ERBB4: variants seen among roughly 807,000 people sequenced by gnomAD.
ERBB4 encodes receptor tyrosine-protein kinase erbB-4.
ERBB4 carries 42 observed loss-of-function variants against 158.0 expected under a neutral mutation model. The observed-to-expected ratio is 0.27, with a 90% CI of 0.21 to 0.34. ERBB4 has a LOEUF of 0.34. ERBB4 is among the 10% of genes least tolerant of loss of function. The pLI is 1.00. For missense variants in ERBB4, 1,333 were observed against 1,624.1 expected (o/e 0.82, Z 3.08); for synonymous variants, 583 against 558.7 (o/e 1.04, Z -0.61).
At chr2:212,461,244 G>T (rs1468879761) in intron 1 of ERBB4, among the ~76,000 whole-genome samples, 1 of 152,168 alleles carries the variant, frequency 6.6e-6, no homozygotes, top group Non-Finnish European at 1.5e-5. Flanking sequence ...CCATGTGCCT[G>T]GAAAAGTAGC....
intron 3 of ERBB4, among the ~76,000 whole-genome samples, chr2:211,915,893 A>G (rs1010823232): frequency 2.6e-5 from 4 of 151,954 alleles, no homozygotes; most frequent in Non-Finnish European, 5.9e-5. Context: ...TCCAGGATTT[A>G]TGCTAAGTAA....
At chr2:212,022,330 CAAGAT>C (rs1196022569) in intron 2 of ERBB4, among the ~76,000 whole-genome samples, 1 of 152,096 alleles carries the variant, frequency 6.6e-6, no homozygotes, top group Admixed American at 6.6e-5. Context: ...GGTACATATA[CAAGAT>C]AAAATACTAT....
chr2:212,226,579 A>G (rs17417710), intron 1 of ERBB4, among the ~76,000 whole-genome samples: 4,819 of 152,290 alleles, frequency 0.032, 94 homozygotes, highest in Middle Eastern at 0.058. Flanking sequence ...TCCAATGGAG[A>G]ACAATCACTG....
intron 3 of ERBB4, among the ~76,000 whole-genome samples, chr2:211,852,205 T>A (rs1006391658): frequency 5.3e-5 from 8 of 151,882 alleles, no homozygotes; most frequent in Non-Finnish European, 1.0e-4. Context: ...TTTCCATACA[T>A]TGCCCCATGT....
At chr2:212,042,073 TC>T (rs974714715) in intron 2 of ERBB4, among the ~76,000 whole-genome samples, 7 of 152,122 alleles carry the variant, frequency 4.6e-5, no homozygotes, top group African/African-American at 1.7e-4. Context: ...TTAGTGGTTC[TC>T]CCCCTACCCC....
rs538383455 is a variant in ERBB4, at chr2:212,114,952, G to T, written c.234+9800C>A. On this transcript the variant is annotated intron_variant, in intron 2 of 27. Transcript: ENST00000342788. ...ACAGCCAACCAGCTCTTGTTGAGGGGCTACAAGGTGCTGGGCATCATGATA... is the reference window on the plus strand; with the variant it reads ...ACAGCCAACCAGCTCTTGTTGAGGGTCTACAAGGTGCTGGGCATCATGATA... Among the ~76,000 whole-genome samples the T allele has an allele frequency of 6.6e-5, 10 of 152,278 alleles. No homozygotes were observed. In the East Asian group the frequency reaches 1.7e-3, roughly 26 times the overall value.
At chr2:211,931,904 T>C (rs2125100734) in intron 3 of ERBB4, among the ~76,000 whole-genome samples, 1 of 152,210 alleles carries the variant, frequency 6.6e-6, no homozygotes, top group South Asian at 2.1e-4. Flanking sequence ...CTAACATATA[T>C]TGTGTTCTAA....
chr2:211,512,871 C>T (rs1405137326), intron 20 of ERBB4, among the ~76,000 whole-genome samples: 3 of 152,124 alleles, frequency 2.0e-5, no homozygotes, highest in East Asian at 1.9e-4. Flanking sequence ...GTGTCCATTG[C>T]CATAGTTACC....
rs577492868 is a variant in ERBB4 at position 211,625,851 on chromosome 2, T to C, written c.2080-1807A>G. On this transcript the variant is annotated intron_variant, in intron 17 of 27. Coordinates refer to ENST00000342788, the MANE Select transcript of ERBB4 (RefSeq NM_005235.3). Reference sequence around the variant, plus strand: ...GGTGAGATATACATAAAATATACATTGTGTATATGCCTTGGCATATACCAT... The same window carrying C: ...GGTGAGATATACATAAAATATACATCGTGTATATGCCTTGGCATATACCAT... Among the ~76,000 whole-genome samples the C allele has an allele frequency of 1.7e-3, 254 of 152,336 alleles. 1 individual carries two copies. The highest frequency in any genetic ancestry group is 5.3e-3 in the African/African-American group (220 of 41,586).
chr2:211,436,450 A>C (rs1177624218), intron 20 of ERBB4, among the ~76,000 whole-genome samples: 14 of 151,970 alleles, frequency 9.2e-5, no homozygotes, highest in Admixed American at 9.2e-4. Context: ...CTCTGTCATC[A>C]CCTTCCTCTC....
At chr2:211,574,326 A>G (rs1333154149) in intron 19 of ERBB4, among the ~76,000 whole-genome samples, 1 of 152,164 alleles carries the variant, frequency 6.6e-6, no homozygotes, top group African/African-American at 2.4e-5. Flanking sequence ...TATAACCATG[A>G]AGAGTTAAAA....
At chr2:212,459,120 G>T (rs72935332) in intron 1 of ERBB4, among the ~76,000 whole-genome samples, 2,857 of 152,182 alleles carry the variant, frequency 0.019, 47 homozygotes, top group Non-Finnish European at 0.029. Flanking sequence ...CCATATATCT[G>T]AAGGCTTTTG....
At chr2:212,218,647 A>G (rs1473424511) in intron 1 of ERBB4, among the ~76,000 whole-genome samples, 1 of 151,388 alleles carries the variant, frequency 6.6e-6, no homozygotes, top group Non-Finnish European at 1.5e-5. Flanking sequence ...TAGTTAAATA[A>G]GGAATTTCAC....
intron 3 of ERBB4, among the ~76,000 whole-genome samples, chr2:211,830,820 T>C (rs2077202486): frequency 6.6e-6 from 1 of 152,134 alleles, no homozygotes; most frequent in African/African-American, 2.4e-5. Flanking sequence ...TTTAATTATA[T>C]TTTTATTAAT....
At chr2:211,842,254 G>GTT (rs146340452) in intron 3 of ERBB4, among the ~76,000 whole-genome samples, 27 of 150,846 alleles carry the variant, frequency 1.8e-4, no homozygotes, top group South Asian at 4.2e-4. Context: ...AAGGCTGTTG[G>GTT]GTTTTTTTTT....
intron 4 of ERBB4, among the ~76,000 whole-genome samples, chr2:211,751,724 T>C (rs911510165): frequency 6.6e-6 from 1 of 152,164 alleles, no homozygotes; most frequent in Non-Finnish European, 1.5e-5. Flanking sequence ...AGTTTTTAAT[T>C]CCTCAACCAG....
chr2:212,221,947 T>C (rs1471984557), intron 1 of ERBB4, among the ~76,000 whole-genome samples: 1 of 151,564 alleles, frequency 6.6e-6, no homozygotes, highest in Non-Finnish European at 1.5e-5. Context: ...AGCTTCTTAA[T>C]TCTCTTTTTC....
chr2:211,648,721 G>A (rs901842784), intron 16 of ERBB4, among the ~76,000 whole-genome samples: 1 of 151,678 alleles, frequency 6.6e-6, no homozygotes, highest in African/African-American at 2.4e-5. Flanking sequence ...ACCTAAAATC[G>A]TTACTACTTC....
intron 3 of ERBB4, among the ~76,000 whole-genome samples, chr2:211,819,220 T>C (rs1435531220): frequency 6.6e-6 from 1 of 152,064 alleles, no homozygotes; most frequent in East Asian, 1.9e-4. Flanking sequence ...GAAAACATTT[T>C]GTGATTGCAC....
Sources: gnomAD v4.1 joint callset for allele counts (sites outside exome capture counted in the v4.1 genomes callset) on GRCh38, gnomAD v4.1.1 for gene constraint, MANE v1.5 for transcripts, NCBI Gene and HGNC (gene_info 2026-07-23, HGNC 2026-07-21) for gene names.